Variants in OPCML observed in about 807,000 individuals in gnomAD.
OPCML encodes opioid binding protein/cell adhesion molecule like.
In OPCML, 13 loss-of-function variants were observed where a neutral mutation model predicts 37.8. The ratio of observed to expected loss-of-function variants is 0.34; its 90% CI spans 0.22 to 0.55. The LOEUF (loss-of-function observed/expected upper bound fraction) is 0.55, where lower values mean the gene tolerates loss of function less well. OPCML is among the 20% of genes least tolerant of loss of function. The pLI is 0.91. For missense variants in OPCML, 341 were observed against 435.6 expected (o/e 0.78, Z 1.93); for synonymous variants, 176 against 168.8 (o/e 1.04, Z -0.33).
intron 1 of OPCML, among the ~76,000 whole-genome samples, chr11:133,252,037 G>T (rs1259470145): frequency 1.3e-5 from 2 of 152,122 alleles, no homozygotes; most frequent in East Asian, 1.9e-4. Context: ...GAAAAGTGCA[G>T]CCTCAGGCAC....
chr11:133,220,340 A>G (rs1939763420), intron 1 of OPCML, among the ~76,000 whole-genome samples: 1 of 152,186 alleles, frequency 6.6e-6, no homozygotes, highest in Non-Finnish European at 1.5e-5. Context: ...GCAGGCATTA[A>G]CCCAAGAAGT....
intron 1 of OPCML, among the ~76,000 whole-genome samples, chr11:133,207,928 T>C (rs76776742): frequency 0.022 from 3,406 of 152,236 alleles, 135 homozygotes; most frequent in African/African-American, 0.078. Flanking sequence ...CGCCGCAGGG[T>C]CTTCATTCAT....
chr11:133,082,100 G>A (rs146318080), intron 1 of OPCML, among the ~76,000 whole-genome samples: 331 of 152,038 alleles, frequency 2.2e-3, no homozygotes, highest in Non-Finnish European at 4.0e-3. Flanking sequence ...GGGGTGACCC[G>A]GGCCCAGAGC....
chr11:132,891,900 C>A (rs1218790658), intron 2 of OPCML, among the ~76,000 whole-genome samples: 1 of 152,206 alleles, frequency 6.6e-6, no homozygotes, highest in Non-Finnish European at 1.5e-5. Flanking sequence ...CCCACCCACA[C>A]CCCTGCTGCC....
chr11:132,794,045 C>A (rs1171970546), intron 2 of OPCML, among the ~76,000 whole-genome samples: 2 of 152,336 alleles, frequency 1.3e-5, no homozygotes, highest in East Asian at 1.9e-4. Context: ...GTGGATAATT[C>A]TTTTCTATTG....
At chr11:132,483,281 C>A (rs1295803129) in intron 4 of OPCML, among the ~76,000 whole-genome samples, 16 of 150,592 alleles carry the variant, frequency 1.1e-4, no homozygotes, top group Middle Eastern at 3.4e-3. Context: ...CAACAACAGA[C>A]AAACAGCCAA....
At chr11:132,515,411 G>A (rs12361330) in intron 4 of OPCML, among the ~76,000 whole-genome samples, 31,415 of 152,034 alleles carry the variant, frequency 0.21, 3,361 homozygotes, top group Non-Finnish European at 0.23. Context: ...GGAGAGTTGG[G>A]CTATACTTTA....
chr11:132,617,500 T>A (rs1939113535), intron 3 of OPCML, among the ~76,000 whole-genome samples: 1 of 152,220 alleles, frequency 6.6e-6, no homozygotes, highest in African/African-American at 2.4e-5. Context: ...GGCCCCTCCA[T>A]GCACTTAGAT....
chr11:132,885,479 G>C (rs1943374078), intron 2 of OPCML, among the ~76,000 whole-genome samples: 1 of 152,124 alleles, frequency 6.6e-6, no homozygotes, highest in Non-Finnish European at 1.5e-5. Flanking sequence ...TACTTCACAT[G>C]ACATCAATTA....
At chr11:133,059,453 C>A (rs530655248) in intron 1 of OPCML, among the ~76,000 whole-genome samples, 7 of 152,288 alleles carry the variant, frequency 4.6e-5, no homozygotes, top group Admixed American at 1.3e-4. Context: ...GGTAAGATGG[C>A]AGGAGCCTCA....
chr11:133,091,318 G>A (rs1446171132), intron 1 of OPCML, among the ~76,000 whole-genome samples: 4 of 152,194 alleles, frequency 2.6e-5, no homozygotes, highest in Admixed American at 1.3e-4. Context: ...CAGAGCCAGG[G>A]CCATCACAGA....
intron 1 of OPCML, among the ~76,000 whole-genome samples, chr11:133,316,515 C>T (rs770566914): frequency 4.6e-5 from 7 of 152,108 alleles, no homozygotes; most frequent in Non-Finnish European, 7.4e-5. Context: ...CTAATGCATG[C>T]GGGGCTTAAA....
At chr11:132,636,782 G>A (rs1040108426) in intron 3 of OPCML, among the ~76,000 whole-genome samples, 2 of 152,122 alleles carry the variant, frequency 1.3e-5, no homozygotes, top group African/African-American at 4.8e-5. Context: ...AGAAGACACT[G>A]GGAGGCTCGG....
At chr11:132,631,605 G>A (rs997254912) in intron 3 of OPCML, among the ~76,000 whole-genome samples, 2 of 149,694 alleles carry the variant, frequency 1.3e-5, no homozygotes, top group African/African-American at 4.9e-5. Flanking sequence ...GACTACAGGC[G>A]CCCGCCACCA....
chr11:133,284,639 G>A (rs1350891677), intron 1 of OPCML, among the ~76,000 whole-genome samples: 1 of 152,086 alleles, frequency 6.6e-6, no homozygotes, highest in East Asian at 1.9e-4. Context: ...TTACCATCTT[G>A]TGGTACTAGG....
intron 1 of OPCML, among the ~76,000 whole-genome samples, chr11:133,483,884 G>C (rs926681731): frequency 6.6e-6 from 1 of 151,428 alleles, no homozygotes; most frequent in African/African-American, 2.4e-5. Context: ...CTTATAGATA[G>C]ATGTATTTAT....
intron 1 of OPCML, among the ~76,000 whole-genome samples, chr11:133,271,197 A>G (rs1451151011): frequency 6.6e-6 from 1 of 152,322 alleles, no homozygotes; most frequent in East Asian, 1.9e-4. Flanking sequence ...CCTACCTCAA[A>G]ACATTTTTAT....
chr11:133,267,400 A>G (rs889634125), intron 1 of OPCML, among the ~76,000 whole-genome samples: 1 of 152,184 alleles, frequency 6.6e-6, no homozygotes, highest in Non-Finnish European at 1.5e-5. Context: ...TCCGAGCCTC[A>G]GTTTTCTCAC....
intron 1 of OPCML, among the ~76,000 whole-genome samples, chr11:132,972,695 T>C (rs939293424): frequency 7.9e-5 from 12 of 152,162 alleles, no homozygotes; most frequent in African/African-American, 2.4e-4. Context: ...ACAGTAGCAA[T>C]GCGCAAGGAC....
Sources: allele counts gnomAD v4.1 joint callset (sites outside exome capture counted in the v4.1 genomes callset), GRCh38; gene constraint gnomAD v4.1.1; transcripts MANE v1.5; gene names NCBI Gene and HGNC (gene_info 2026-07-23, HGNC 2026-07-21).